Variants in CPOX observed in about 807,000 individuals in gnomAD.
The protein encoded by CPOX is oxygen-dependent coproporphyrinogen-III oxidase, mitochondrial.
CPOX carries 24 observed loss-of-function variants against 48.9 expected under a neutral mutation model. That is an observed-to-expected ratio of 0.49 (90% CI 0.36 to 0.69). The LOEUF (loss-of-function observed/expected upper bound fraction) is 0.69, where lower values mean the gene tolerates loss of function less well. Among genes scored for constraint, CPOX ranks in the 30% least tolerant of loss-of-function variants. The probability of loss-of-function intolerance (pLI) is 0.00; values close to 1 mark genes in which losing one functional copy is unlikely to be tolerated. For missense variants in CPOX, 549 were observed against 597.3 expected, an observed-to-expected ratio of 0.92 and a Z score of 0.84; for synonymous variants, 249 against 234.6, an observed-to-expected ratio of 1.06 and a Z score of -0.56.
At chr3:98,573,001 G>T in the CPOX span, among the ~76,000 whole-genome samples, 1,262 of 152,266 alleles carry the variant, frequency 8.3e-3, 16 homozygotes, top group African/African-American at 0.029. Flanking sequence ...CTTTTGAAAT[G>T]ATAAAAATGT....
chr3:98,578,974 A>C (rs1316209748), downstream of CPOX, among the ~76,000 whole-genome samples: 7 of 152,208 alleles, frequency 4.6e-5, no homozygotes, highest in African/African-American at 1.7e-4. Flanking sequence ...AGCCTTGAAC[A>C]ACACAGGTTT....
intron 5 of CPOX, among the ~76,000 whole-genome samples, chr3:98,583,643 T>C (rs1373011354): frequency 2.0e-5 from 3 of 152,212 alleles, no homozygotes; most frequent in African/African-American, 7.2e-5. Context: ...TGGGGGAGGA[T>C]AGCAGTAACT....
chr3:98,582,742 C>T (rs762513951), intron 5 of CPOX, among the ~76,000 whole-genome samples: 2 of 152,128 alleles, frequency 1.3e-5, no homozygotes, highest in Admixed American at 6.5e-5. Context: ...CTGCCCGCCT[C>T]GGCCTCCCAA....
At position 98,588,794 on chromosome 3, in the gene CPOX, T is replaced by C; in HGVS notation, c.872A>G (p.Glu291Gly). The C allele has an allele frequency of 2.5e-6, 4 of 1,614,206 alleles. No individual in the cohort carries two copies. The highest frequency in any genetic ancestry group is 3.4e-6 in the Non-Finnish European group (4 of 1,180,034). ...AGTTCTGTGAAAATGGACAGCGTCT[T>C]CTTGATTCAAGTATGTTGGAGTGAG... Reference protein sequence around the residue: ...CDLTPTYLNQEDAVHFHRTLK... With the variant: ...CDLTPTYLNQGDAVHFHRTLK... Residue 291 changes from glutamate to glycine, a missense_variant, in exon 4 of 7, where the codon GAA becomes GGA. By Grantham distance (98) the Glu-to-Gly change is moderately conservative. Coordinates refer to ENST00000647941, the MANE Select transcript of CPOX (RefSeq NM_000097.7).
chr3:98,579,366 ATGT>A, downstream of CPOX: 1 of 440,450 alleles, frequency 2.3e-6, no homozygotes, highest in Non-Finnish European at 3.0e-6. Context: ...CCTAGCCCTA[ATGT>A]TGTTCAAGGA....
intron 1 of CPOX, among the ~76,000 whole-genome samples, chr3:98,592,412 C>T (rs1270991942): frequency 6.6e-6 from 1 of 152,084 alleles, no homozygotes; most frequent in Non-Finnish European, 1.5e-5. Flanking sequence ...CTGATGCGTG[C>T]ATTTGGTAGT....
At chr3:98,585,816 CAGAT>C in intron 4 of CPOX, 157 bp from the exon 5 acceptor site, 3 of 691,794 alleles carry the variant, frequency 4.3e-6, no homozygotes, top group East Asian at 2.7e-5. Flanking sequence ...GGACTTTAGA[CAGAT>C]AGATTTTTTG....
At position 98,593,272 on chromosome 3, in the gene CPOX, A is replaced by G; in HGVS notation, c.233T>C (p.Leu78Pro). ...CACCAACCCCGCCAGCGCCGCGGCC[A>G]GCCCTGTCCCCACCCAGGGGCCGCC... ...SRGGPWVGTG[L>P]AAALAGLVGL... Residue 78 changes from leucine to proline, a missense_variant, in exon 1 of 7, where the codon CTG becomes CCG. Physicochemically the swap from Leu to Pro is moderately conservative, Grantham distance 98. Coordinates refer to ENST00000647941, the MANE Select transcript of CPOX (RefSeq NM_000097.7). 1 of 1,481,934 alleles carries G rather than the reference A, an allele frequency of 6.7e-7. No homozygotes were observed. The highest frequency in any genetic ancestry group is 8.9e-7 in the Non-Finnish European group (1 of 1,123,838). The allele number at this position is 1,481,934 out of a possible 1,614,324, so 91.8% of individuals were successfully genotyped here.
intron 4 of CPOX, among the ~76,000 whole-genome samples, chr3:98,587,791 A>G (rs771591617): frequency 6.6e-6 from 1 of 152,038 alleles, no homozygotes; most frequent in Non-Finnish European, 1.5e-5. Flanking sequence ...ACCATCCTAG[A>G]TATTTTATTA....
At chr3:98,576,928 C>T (rs886862919), downstream of CPOX, among the ~76,000 whole-genome samples, 3 of 151,998 alleles carry the variant, frequency 2.0e-5, no homozygotes, top group Non-Finnish European at 4.4e-5. Context: ...GATCCACCTT[C>T]AATATTTTGT....
Position 98,590,993 on chromosome 3 carries a change from T to C in CPOX, c.700+19A>G. ...GGTTTGCAGGGACTATTAGAGACTA[T>C]CAAGACTGTCTGATTTACCATCTTT... is the stretch of plus-strand genomic sequence containing the variant. On this transcript the variant is annotated intron_variant, in intron 2 of 6. Transcript: ENST00000647941. 1.2e-6 allele frequency: 2 copies of C among 1,613,944 alleles called. No homozygotes were observed. Among genetic ancestry groups the C allele is most frequent in the Non-Finnish European group, 1.7e-6 (2 of 1,179,798 alleles).
At chr3:98,587,804 T>G (rs375391339) in intron 4 of CPOX, among the ~76,000 whole-genome samples, 3 of 152,000 alleles carry the variant, frequency 2.0e-5, no homozygotes, top group Non-Finnish European at 2.9e-5. Flanking sequence ...TTTTATTACC[T>G]AACACTGCTT....
In CPOX at chr3:98,580,730, C is replaced by T. The variant is rs759092482; in HGVS notation, c.1318G>A (p.Ala440Thr). The T allele has an allele frequency of 2.5e-6, 4 of 1,614,166 alleles. No homozygotes were observed. In the South Asian group the frequency reaches 4.4e-5, roughly 18 times the overall value. ...MHSPSENSKE[A>T]EILEVLRHPR... ...TGGCGTAGAACTTCCAGAATTTCAG[C>T]TTCTTTGGAATTCTCTGAGGGTGAA... Residue 440 changes from alanine to threonine, a missense_variant, in exon 7 of 7, where the codon GCT becomes ACT. By Grantham distance (58) the Ala-to-Thr change is moderately conservative. Around this residue, in one of 2 missense-constraint regions of CPOX, gnomAD observed 213 missense variants for 279.1 expected, o/e 0.76. Transcript: ENST00000647941.
intron 4 of CPOX, among the ~76,000 whole-genome samples, chr3:98,588,198 A>G (rs1167521377): frequency 2.6e-5 from 4 of 151,084 alleles, no homozygotes; most frequent in Admixed American, 2.0e-4. Flanking sequence ...CCATTTGATG[A>G]TAACAAATAT....
At chr3:98,580,907 G>T in intron 6 of CPOX, 137 bp from the exon 7 acceptor site, 1 of 1,046,320 alleles carries the variant, frequency 9.6e-7, no homozygotes, top group Non-Finnish European at 1.4e-6. Context: ...TACTGTGCCT[G>T]ATGTGCCTTG....
At chr3:98,588,498 T>C (rs1707409384) in intron 4 of CPOX, among the ~76,000 whole-genome samples, 1 of 152,218 alleles carries the variant, frequency 6.6e-6, no homozygotes, top group Non-Finnish European at 1.5e-5. Context: ...TCATTTGGAA[T>C]AAAAAGATAT....
chr3:98,577,945 C>T (rs966314429), downstream of CPOX, among the ~76,000 whole-genome samples: 1 of 152,220 alleles, frequency 6.6e-6, no homozygotes, highest in Non-Finnish European at 1.5e-5. Context: ...CGTGCAGAAG[C>T]ACTTATCTCA....
At position 98,588,805 on chromosome 3, in the gene CPOX, G is replaced by A. The variant is rs773924747; in HGVS notation, c.861C>T (p.Tyr287=). 5.0e-6 allele frequency: 8 copies of A among 1,614,050 alleles called. No individual in the cohort carries two copies. The highest frequency in any genetic ancestry group is 3.3e-5 in the Admixed American group (2 of 59,998). The change falls in exon 4 of 7, where the codon TAC becomes TAT. Residue 287 remains tyrosine (Y), a synonymous_variant. Coordinates refer to ENST00000647941, the MANE Select transcript of CPOX (RefSeq NM_000097.7). ...AATGGACAGCGTCTTCTTGATTCAA[G>A]TATGTTGGAGTGAGGTCACATCCAC... The part of the protein sequence containing the change: ...FGGGCDLTPT[Y]LNQEDAVHFH...
At chr3:98,581,857 C>A (rs1385061399) in intron 5 of CPOX, among the ~76,000 whole-genome samples, 1 of 152,158 alleles carries the variant, frequency 6.6e-6, no homozygotes, top group Non-Finnish European at 1.5e-5. Flanking sequence ...TCAGGATAAC[C>A]CAGCTCTTTC....
Sources: allele counts gnomAD v4.1 joint callset (sites outside exome capture counted in the v4.1 genomes callset), GRCh38; gene constraint gnomAD v4.1.1; regional missense constraint gnomAD v4.1.1; transcripts MANE v1.5; gene names NCBI Gene and HGNC (gene_info 2026-07-23, HGNC 2026-07-21).